Variants in TRA2B observed in about 807,000 individuals in gnomAD.
The protein encoded by TRA2B is transformer-2 protein homolog beta.
Under a neutral mutation model 41.7 loss-of-function variants are expected in TRA2B, and 14 were observed. The ratio of observed to expected loss-of-function variants is 0.34; its 90% CI spans 0.22 to 0.53. The LOEUF (loss-of-function observed/expected upper bound fraction) is 0.53, where lower values mean the gene tolerates loss of function less well. TRA2B is among the 20% of genes least tolerant of loss of function. TRA2B has a pLI of 0.95. For synonymous variants in TRA2B, 130 were observed against 128.8 expected (o/e 1.01, Z -0.06); for missense variants, 167 against 396.8 (o/e 0.42, Z 4.92).
At chr3:185,937,381 G>T in intron 1 of TRA2B, 1 of 999,832 alleles carries the variant, frequency 1.0e-6, no homozygotes, top group Non-Finnish European at 1.2e-6. Flanking sequence ...TACGAAGCGC[G>T]GCCCGCTGCG....
In TRA2B at chr3:185,935,343, GA is replaced by G. The variant is rs1310740125; in HGVS notation, c.36+2481del. On this transcript the variant is annotated intron_variant, in intron 1 of 8. Transcript: ENST00000453386. Reference sequence around the variant, plus strand: ...TTTAGTGTTAATCTATTACCTTTGAGAGGGGGGAAAAAATAAATCCCACAGA... The same window carrying G: ...TTTAGTGTTAATCTATTACCTTTGAGGGGGGGAAAAAATAAATCCCACAGA... 217 of 961,314 alleles carry G rather than the reference GA, an allele frequency of 2.3e-4. 2 individuals are homozygous for G. In the South Asian group the frequency reaches 0.01, roughly 44 times the overall value. The allele number at this position is 961,314 out of a possible 1,614,324, so 59.5% of individuals were successfully genotyped here. A position where few individuals can be genotyped will look rare whatever the true frequency, so the allele number is the denominator to read the frequency against.
chr3:185,932,161 T>C (rs918029549), intron 1 of TRA2B, among the ~76,000 whole-genome samples: 6 of 152,188 alleles, frequency 3.9e-5, no homozygotes, highest in Admixed American at 2.6e-4. Flanking sequence ...CACTTCTTAT[T>C]ATATTCAATA....
At chr3:185,937,187 T>C (rs1421871241) in intron 1 of TRA2B, 13 of 985,404 alleles carry the variant, frequency 1.3e-5, no homozygotes, top group Admixed American at 6.2e-5. Context: ...CCTCACGCAA[T>C]CCCCTCCACC....
At chr3:185,937,113 A>G (rs1744392480) in intron 1 of TRA2B, 2 of 985,298 alleles carry the variant, frequency 2.0e-6, no homozygotes, top group Non-Finnish European at 2.4e-6. Context: ...ACTGATACAG[A>G]TTTTTGCCTG....
At chr3:185,935,173 G>T in intron 1 of TRA2B, 2 of 985,378 alleles carry the variant, frequency 2.0e-6, no homozygotes, top group Non-Finnish European at 2.4e-6. Context: ...TTTTTACAAA[G>T]AAATGGTGCT....
chr3:185,935,223 G>GT, intron 1 of TRA2B: 2 of 985,440 alleles, frequency 2.0e-6, no homozygotes, highest in Non-Finnish European at 2.4e-6. Context: ...TTTGGGGGAA[G>GT]AGTCTTGAAT....
At chr3:185,926,042 CTCT>C (rs1178376885) in intron 2 of TRA2B, among the ~76,000 whole-genome samples, 1 of 152,108 alleles carries the variant, frequency 6.6e-6, no homozygotes, top group Non-Finnish European at 1.5e-5. Flanking sequence ...AATTGAGTGG[CTCT>C]TGACTAACTA....
intron 4 of TRA2B, 61 bp downstream of exon 4, chr3:185,923,735 A>G: frequency 6.9e-7 from 1 of 1,456,692 alleles, no homozygotes; most frequent in Non-Finnish European, 9.2e-7. Context: ...GCAATTGGTC[A>G]CTGATAACTT....
chr3:185,920,689 G>A (rs1743699824), intron 6 of TRA2B, among the ~76,000 whole-genome samples: 2 of 151,966 alleles, frequency 1.3e-5, no homozygotes, highest in African/African-American at 2.4e-5. Context: ...GACTACAGGC[G>A]TGCACCACCA....
chr3:185,932,225 T>C (rs1209311778), intron 1 of TRA2B, among the ~76,000 whole-genome samples: 2 of 152,164 alleles, frequency 1.3e-5, no homozygotes, highest in African/African-American at 4.8e-5. Context: ...GACACATTAA[T>C]ACATAAGTGC....
chr3:185,937,001 G>T, intron 1 of TRA2B: 1 of 985,330 alleles, frequency 1.0e-6, no homozygotes, highest in Admixed American at 6.1e-5. Flanking sequence ...AGGAAATAAC[G>T]GCGCCGTAAA....
chr3:185,926,943 T>C lies in TRA2B; in HGVS notation c.37-209A>G, dbSNP rs1423200382. ...TTAACTTGTCCTTTCTTCCACCTTT[T>C]TGGAGCAGGGATAAGAGTTATTTGA... On this transcript the variant is annotated intron_variant, in intron 1 of 8. Coordinates refer to ENST00000453386, the MANE Select transcript of TRA2B (RefSeq NM_004593.3). 1.1e-5 allele frequency: 6 copies of C among 551,420 alleles called. No homozygotes were observed. The Admixed American group carries it at 2.0e-4, about 18-fold the overall frequency. The allele number at this position is 551,420 out of a possible 1,614,324, so 34.2% of individuals were successfully genotyped here.
chr3:185,917,798 T>G (rs973566295), intron 8 of TRA2B, 73 bp from the exon 9 acceptor site: 13 of 1,504,632 alleles, frequency 8.6e-6, no homozygotes, highest in Middle Eastern at 1.7e-4. Flanking sequence ...TGCCGAGAAT[T>G]TCAGAATATT....
At chr3:185,934,352 G>A in intron 1 of TRA2B, 2 of 985,342 alleles carry the variant, frequency 2.0e-6, no homozygotes, top group Non-Finnish European at 2.4e-6. Flanking sequence ...AAAACGCTAT[G>A]TAAGGCAAAT....
intron 1 of TRA2B, chr3:185,935,659 G>T: frequency 1.0e-6 from 1 of 985,334 alleles, no homozygotes; most frequent in Non-Finnish European, 1.2e-6. Context: ...CATTTTTCTG[G>T]CTCCAGAGAA....
chr3:185,924,160 T>C (rs1743848292), intron 3 of TRA2B, 176 bp from the exon 4 acceptor site: 3 of 488,106 alleles, frequency 6.1e-6, no homozygotes, highest in South Asian at 1.2e-4. Context: ...TTTTTGGGAA[T>C]GGGTAGGAAA....
At chr3:185,919,381 A>G in intron 7 of TRA2B, 56 bp downstream of exon 7, 2 of 1,451,058 alleles carry the variant, frequency 1.4e-6, no homozygotes, top group Non-Finnish European at 1.9e-6. Context: ...CTAGGCAAAC[A>G]TCTTTATGTG....
In TRA2B at chr3:185,917,331, AAATC is replaced by A. The variant is rs1488465880; in HGVS notation, c.*380_*383del. 2.0e-5 allele frequency: 4 copies of A among 198,496 alleles called. No individual in the cohort carries two copies. Among genetic ancestry groups the A allele is most frequent in the Non-Finnish European group, 4.1e-5 (4 of 98,696 alleles). 12.3% of individuals were successfully genotyped at this position (198,496 alleles called of 1,614,324 possible). A position where few individuals can be genotyped will look rare whatever the true frequency, so the allele number is the denominator to read the frequency against. ...ATTGATATGTTAGAAAGAAAAGTAA[AAATC>A]AAACTGTTTATTGTTGCTTTTTGCC... On this transcript the variant is annotated 3_prime_UTR_variant, in exon 9 of 9. Transcript: ENST00000453386.
intron 5 of TRA2B, 81 bp downstream of exon 5, chr3:185,921,930 G>A: frequency 4.0e-6 from 4 of 999,172 alleles, no homozygotes; most frequent in Non-Finnish European, 6.1e-6. Context: ...AAACCTAAGT[G>A]CTGAAGACTT....
Sources: gnomAD v4.1 joint callset for allele counts (sites outside exome capture counted in the v4.1 genomes callset) on GRCh38, gnomAD v4.1.1 for gene constraint, MANE v1.5 for transcripts, NCBI Gene and HGNC (gene_info 2026-07-23, HGNC 2026-07-21) for gene names.